The following NTN1 variants were observed in gnomAD, a reference collection of about 807,000 sequenced individuals.
NTN1 encodes the protein netrin 1, also known as netrin-1.
A neutral mutation model predicts 54.2 loss-of-function variants in NTN1; 11 were observed. That is an observed-to-expected ratio of 0.20 (90% CI 0.13 to 0.34). The LOEUF (loss-of-function observed/expected upper bound fraction) is 0.34. Among genes scored for constraint, NTN1 ranks in the 10% least tolerant of loss-of-function variants. The pLI, the probability that NTN1 is intolerant of heterozygous loss-of-function variation, is 1.00. For synonymous variants in NTN1, 371 were observed against 382.0 expected (o/e 0.97, Z 0.33); for missense variants, 740 against 893.1 (o/e 0.83, Z 2.18).
intron 3 of NTN1, chr17:9,177,775 C>T (rs1038274963): frequency 2.6e-5 from 4 of 152,366 alleles, no homozygotes; most frequent in Non-Finnish European, 4.4e-5. Context: ...CCCTCCTCGC[C>T]GCCGCCTCTT....
At chr17:9,170,498 A>G (rs1251678260) in intron 3 of NTN1, among the ~76,000 whole-genome samples, 2 of 152,300 alleles carry the variant, frequency 1.3e-5, no homozygotes, top group South Asian at 2.1e-4. Flanking sequence ...TTGGCAGCCA[A>G]TTCCCACAGG....
chr17:9,175,584 C>G (rs907537155), intron 3 of NTN1: 2 of 152,216 alleles, frequency 1.3e-5, no homozygotes, highest in Non-Finnish European at 2.9e-5. Context: ...AGAGGGAGAC[C>G]TCTGTCCTTA....
intron 6 of NTN1, among the ~76,000 whole-genome samples, chr17:9,224,804 T>TGG (rs200491836): frequency 8.0e-6 from 1 of 125,240 alleles, no homozygotes; most frequent in Non-Finnish European, 1.8e-5. Context: ...GGGGATGGGG[T>TGG]GGGGGGGCAC....
chr17:9,092,319 CTTTTTTTTTTTTTTT>C (rs148786553), intron 2 of NTN1, among the ~76,000 whole-genome samples: 12 of 91,714 alleles, frequency 1.3e-4, no homozygotes, highest in Non-Finnish European at 2.3e-4. Context: ...CTTTTCTTCT[CTTTTTTTTTTTTTTT>C]TTTTTTTTGA....
chr17:9,010,009 C>T, the NTN1 span, among the ~76,000 whole-genome samples: 2 of 152,278 alleles, frequency 1.3e-5, no homozygotes, highest in Non-Finnish European at 2.9e-5. Context: ...CTCTGCTGGG[C>T]TCTCATACAG....
rs367882302 is a variant in NTN1, at chr17:9,241,296, G to A, written c.*1328G>A. 9.8e-5 allele frequency: 15 copies of A among 152,430 alleles called. No individual in the cohort carries two copies. Among genetic ancestry groups the A allele is most frequent in the African/African-American group, 3.6e-4 (15 of 41,464 alleles). The allele number at this position is 152,430 out of a possible 1,614,324, so 9.4% of individuals were successfully genotyped here. Reference sequence around the variant, plus strand: ...CTGGCCTGGGCCACACCTTGACCGTGCCTTTCCAGACGGTCTTTGTGGAGT... The same window carrying A: ...CTGGCCTGGGCCACACCTTGACCGTACCTTTCCAGACGGTCTTTGTGGAGT... On this transcript the variant is annotated 3_prime_UTR_variant, in exon 7 of 7. Coordinates refer to ENST00000173229, the MANE Select transcript of NTN1 (RefSeq NM_004822.3).
intron 2 of NTN1, among the ~76,000 whole-genome samples, chr17:9,067,736 G>A (rs145416977): frequency 2.6e-5 from 4 of 152,256 alleles, no homozygotes; most frequent in African/African-American, 4.8e-5. Context: ...GGCCTGGATC[G>A]GGAGTTAGTT....
intron 2 of NTN1, among the ~76,000 whole-genome samples, chr17:9,075,125 C>T (rs1177570580): frequency 6.6e-6 from 1 of 152,134 alleles, no homozygotes. Context: ...AATCCCAGGC[C>T]CACCACTTAG....
At chr17:9,055,314 C>CCTGCACCA (rs1204770676) in intron 2 of NTN1, among the ~76,000 whole-genome samples, 1 of 152,228 alleles carries the variant, frequency 6.6e-6, no homozygotes, top group African/African-American at 2.4e-5. Context: ...CTAACCGCTG[C>CCTGCACCA]CTGCACCACT....
At chr17:9,079,422 C>T (rs577290160) in intron 2 of NTN1, among the ~76,000 whole-genome samples, 12 of 152,368 alleles carry the variant, frequency 7.9e-5, no homozygotes, top group East Asian at 3.9e-4. Context: ...TTATCTTCTC[C>T]TCCCCATCTG....
chr17:9,108,104 T>C (rs2092174047), intron 2 of NTN1, among the ~76,000 whole-genome samples: 1 of 152,196 alleles, frequency 6.6e-6, no homozygotes, highest in Non-Finnish European at 1.5e-5. Flanking sequence ...GTTAGGGTTC[T>C]ACAAATAACT....
intron 2 of NTN1, among the ~76,000 whole-genome samples, chr17:9,102,478 C>T (rs932069486): frequency 2.0e-5 from 3 of 152,184 alleles, no homozygotes; most frequent in Non-Finnish European, 4.4e-5. Flanking sequence ...CTACCTGGTC[C>T]TTCCCATATC....
intron 4 of NTN1, among the ~76,000 whole-genome samples, chr17:9,182,624 C>T (rs112479392): frequency 3.9e-5 from 6 of 152,290 alleles, no homozygotes; most frequent in Admixed American, 6.5e-5. Context: ...GCTGAGTTGA[C>T]GCCAGGCCCA....
At chr17:9,115,381 C>G (rs1478286880) in intron 2 of NTN1, among the ~76,000 whole-genome samples, 1 of 152,162 alleles carries the variant, frequency 6.6e-6, no homozygotes, top group Non-Finnish European at 1.5e-5. Flanking sequence ...CATGTGTTCC[C>G]CAGGGTCTCC....
chr17:9,191,787 G>A (rs540307917), intron 5 of NTN1, among the ~76,000 whole-genome samples: 1 of 150,904 alleles, frequency 6.6e-6, no homozygotes, highest in East Asian at 2.0e-4. Flanking sequence ...CAGCACTTTG[G>A]GAGGCCAACG....
chr17:9,229,200 G>A lies in NTN1; in HGVS notation c.1486+7958G>A, dbSNP rs554632438. Among the ~76,000 whole-genome samples, 4 of 152,050 alleles carry A rather than the reference G, an allele frequency of 2.6e-5. No individual in the cohort carries two copies. In the East Asian group the frequency reaches 5.8e-4, roughly 22 times the overall value. ...TGTGACTGTGCTCTCTTGGGGGTCC[G>A]TGGAAGCAGTGGGCCTGGGGACCTG... On this transcript the variant is annotated intron_variant, in intron 6 of 6. Coordinates refer to ENST00000173229, the MANE Select transcript of NTN1 (RefSeq NM_004822.3).
intron 5 of NTN1, among the ~76,000 whole-genome samples, chr17:9,193,079 CAA>C (rs528295578): frequency 6.6e-5 from 7 of 105,956 alleles, no homozygotes; most frequent in Non-Finnish European, 5.7e-5. Context: ...GACTCTGTCT[CAA>C]AAAAAAAAAA....
intron 5 of NTN1, among the ~76,000 whole-genome samples, chr17:9,186,765 C>T (rs1294987824): frequency 6.6e-6 from 1 of 152,226 alleles, no homozygotes; most frequent in Non-Finnish European, 1.5e-5. Flanking sequence ...TCGGCACCTC[C>T]ACTTTTTCAC....
chr17:9,085,000 G>C (rs111278141), intron 2 of NTN1, among the ~76,000 whole-genome samples: 1 of 152,156 alleles, frequency 6.6e-6, no homozygotes, highest in Admixed American at 6.5e-5. Context: ...AGCAATGAGA[G>C]TAGAGCCAGC....
Sources: allele counts gnomAD v4.1 joint callset (sites outside exome capture counted in the v4.1 genomes callset), GRCh38; gene constraint gnomAD v4.1.1; transcripts MANE v1.5; gene names NCBI Gene and HGNC (gene_info 2026-07-23, HGNC 2026-07-21).